Variants in SPATC1 observed in about 807,000 individuals in gnomAD.
SPATC1 encodes the protein spermatogenesis and centriole associated 1.
Under a neutral mutation model 36.5 loss-of-function variants are expected in SPATC1, and 35 were observed. That is an observed-to-expected ratio of 0.96 (90% confidence interval 0.73 to 1.27). The LOEUF is 1.27. Among genes scored for constraint, SPATC1 ranks in the 50% most tolerant of loss-of-function variants. SPATC1 has a pLI of 0.00. For synonymous variants in SPATC1, 361 were observed against 353.6 expected (o/e 1.02, Z -0.24); for missense variants, 779 against 796.0 (o/e 0.98, Z 0.26).
chr8:144,036,606 G>A (rs1326181496), intron 1 of SPATC1, among the ~76,000 whole-genome samples: 8 of 152,038 alleles, frequency 5.3e-5, no homozygotes, highest in African/African-American at 7.2e-5. Context: ...TTACAGGCAC[G>A]AACCACCACA....
rs1835057017 is a variant in SPATC1 at position 144,040,660 on chromosome 8, A to G, written c.859A>G (p.Ile287Val). Residue 287 changes from isoleucine (I) to valine (V), a missense_variant, in exon 3 of 5, where the codon ATC becomes GTC. Coordinates refer to ENST00000377470, the MANE Select transcript of SPATC1 (RefSeq NM_198572.3). ...AGCACCCCTCCAGACCTCCACCCCT[A>G]TCGGAGCCATGGGCACACCTGCTCC... ...AGAPLQTSTP[I>V]GAMGTPAPKT... 2 of 1,612,144 alleles carry G rather than the reference A, an allele frequency of 1.2e-6. No homozygotes were observed. The highest frequency in any genetic ancestry group is 2.2e-5 in the East Asian group (1 of 44,768).
intron 4 of SPATC1, among the ~76,000 whole-genome samples, chr8:144,044,544 G>A (rs1298948030): frequency 4.7e-5 from 7 of 150,294 alleles, no homozygotes; most frequent in East Asian, 2.0e-4. Flanking sequence ...TCCTGACCTC[G>A]TGATCCGCCC....
At position 144,040,580 on chromosome 8, in the gene SPATC1, C is replaced by G. The variant is rs782400666; in HGVS notation, c.779C>G (p.Thr260Ser). The G allele has an allele frequency of 1.3e-6, 2 of 1,594,190 alleles. No individual in the cohort carries two copies. The highest frequency in any genetic ancestry group is 2.7e-5 in the African/African-American group (2 of 74,476). Residue 260 changes from threonine (T) to serine (S), a missense_variant, in exon 3 of 5, where the codon ACT becomes AGT. Transcript: ENST00000377470. ...TCCACATCACTAGTCCCACTCTCCA[C>G]TGAGCCCCCCCAGTCGACCCAGGAC... is the stretch of plus-strand genomic sequence containing the variant. ...PTATTKVPLS[T>S]EPPQSTQDPE...
upstream of SPATC1, among the ~76,000 whole-genome samples, chr8:144,011,413 C>T (rs527820717): frequency 3.9e-5 from 6 of 152,210 alleles, no homozygotes; most frequent in South Asian, 4.2e-4. The surrounding 1 kb of genome is among the most constrained non-coding windows in gnomAD (Gnocchi z 4.5). Flanking sequence ...CAACTCACAG[C>T]GATCCCAGCC....
intron 1 of SPATC1, among the ~76,000 whole-genome samples, chr8:144,037,314 G>A (rs1198700890): frequency 1.3e-5 from 2 of 151,488 alleles, no homozygotes; most frequent in African/African-American, 2.4e-5. Context: ...CGTCTGGGAG[G>A]TGTACCCAAC....
intron 4 of SPATC1, among the ~76,000 whole-genome samples, chr8:144,042,303 ATATATATATTTTTT>A (rs1204629891): frequency 3.5e-5 from 2 of 57,166 alleles, no homozygotes; most frequent in African/African-American, 2.2e-4. Context: ...ATATATATAT[ATATATATATTTTTT>A]TTTTTTTTTT....
Position 144,045,167 on chromosome 8 carries a change from C to T in SPATC1, c.1447-1460C>T, listed in dbSNP as rs781936058. 2.0e-5 allele frequency among the ~76,000 whole-genome samples: 3 copies of T among 152,222 alleles called. No homozygotes were observed. Among genetic ancestry groups the T allele is most frequent in the Non-Finnish European group, 4.4e-5 (3 of 68,042 alleles). The stretch of plus-strand genomic sequence containing the variant: ...GTGATGCAGAAGCAGCCGTTGAGCA[C>T]GGCTGTCCACGGGCCCTCACTCTTG... On this transcript the variant is annotated intron_variant, in intron 4 of 4. Coordinates refer to ENST00000377470, the MANE Select transcript of SPATC1 (RefSeq NM_198572.3). The surrounding 1 kb of genome is among the most constrained non-coding windows in gnomAD (Gnocchi z 5.2).
In SPATC1 at chr8:144,041,913, G is replaced by A. The variant is rs537440691; in HGVS notation, c.1446+542G>A. ...CTGTGAGCTGCGTGGGTCCAGGTTGGAGCTTTGCCTCTGGTTAAAGCATCC... is the reference window on the plus strand; with the variant it reads ...CTGTGAGCTGCGTGGGTCCAGGTTGAAGCTTTGCCTCTGGTTAAAGCATCC... On this transcript the variant is annotated intron_variant, in intron 4 of 4. Coordinates refer to ENST00000377470, the MANE Select transcript of SPATC1 (RefSeq NM_198572.3). 3.0e-6 allele frequency: 3 copies of A among 983,908 alleles called. No homozygotes were observed. The Admixed American group carries it at 1.8e-4, about 60-fold the overall frequency. The allele number at this position is 983,908 out of a possible 1,614,324, so 60.9% of individuals were successfully genotyped here.
intron 4 of SPATC1, chr8:144,042,147 T>C (rs1337379642): frequency 2.6e-6 from 1 of 383,544 alleles, no homozygotes; most frequent in Non-Finnish European, 3.6e-6. Flanking sequence ...ACGATTCTGC[T>C]GCCCCAGCCT....
chr8:144,020,529 C>A (rs1194892825), intron 1 of SPATC1, among the ~76,000 whole-genome samples: 4 of 135,368 alleles, frequency 3.0e-5, no homozygotes, highest in African/African-American at 1.1e-4. Context: ...CCCTCAGAAC[C>A]CTCTTCCCTC....
intron 1 of SPATC1, among the ~76,000 whole-genome samples, chr8:144,013,762 C>A (rs1834326330): frequency 6.6e-6 from 1 of 152,152 alleles, no homozygotes; most frequent in Non-Finnish European, 1.5e-5. Flanking sequence ...TTGAGATCAA[C>A]ATGGCCAACA....
At chr8:144,038,527 G>T (rs1198644418) in intron 1 of SPATC1, among the ~76,000 whole-genome samples, 1 of 151,550 alleles carries the variant, frequency 6.6e-6, no homozygotes, top group Non-Finnish European at 1.5e-5. Context: ...GCAGTGGCAC[G>T]ATCACAGTGC....
intron 1 of SPATC1, among the ~76,000 whole-genome samples, chr8:144,036,620 G>A (rs1387071370): frequency 6.6e-5 from 10 of 152,018 alleles, no homozygotes; most frequent in Admixed American, 1.3e-4. Context: ...CACCACACCC[G>A]GCCCAGAACT....
intron 4 of SPATC1, among the ~76,000 whole-genome samples, chr8:144,042,779 T>C (rs1370043680): frequency 7.9e-5 from 12 of 152,112 alleles, no homozygotes; most frequent in African/African-American, 2.4e-5. Flanking sequence ...TCCTGCACTC[T>C]TGAGGACGTT....
intron 1 of SPATC1, among the ~76,000 whole-genome samples, chr8:144,037,144 T>TG (rs1193899444): frequency 5.9e-5 from 4 of 68,008 alleles, no homozygotes; most frequent in East Asian, 4.2e-4. Flanking sequence ...GGGAGGGAGG[T>TG]GGGGGGGTCA....
At chr8:144,017,372 C>T (rs982300297) in intron 1 of SPATC1, among the ~76,000 whole-genome samples, 10 of 152,140 alleles carry the variant, frequency 6.6e-5, no homozygotes, top group African/African-American at 2.4e-4. Flanking sequence ...TCTTTCTGGG[C>T]CTACCCTTCT....
intron 1 of SPATC1, among the ~76,000 whole-genome samples, chr8:144,035,970 C>T (rs1834890331): frequency 6.6e-6 from 1 of 152,180 alleles, no homozygotes; most frequent in Non-Finnish European, 1.5e-5. Flanking sequence ...CACCTCAGCA[C>T]ATGCAGCCCA....
At chr8:144,029,316 C>G (rs1834750497) in intron 1 of SPATC1, among the ~76,000 whole-genome samples, 1 of 151,322 alleles carries the variant, frequency 6.6e-6, no homozygotes, top group Admixed American at 6.6e-5. Flanking sequence ...CGCCTGTAAT[C>G]CCAGCACTTT....
In SPATC1 at chr8:144,040,367, C is replaced by G. The variant is rs1564278093; in HGVS notation, c.670C>G (p.Pro224Ala). 1.9e-6 allele frequency: 3 copies of G among 1,612,660 alleles called. No homozygotes were observed. Among genetic ancestry groups the G allele is most frequent in the Non-Finnish European group, 2.5e-6 (3 of 1,179,866 alleles). The change falls in exon 2 of 5, where the codon CCA (proline) becomes GCA (alanine). Residue 224 changes from proline (P) to alanine (A), a missense_variant. Physicochemically the swap from Pro to Ala is conservative, Grantham distance 27 (BLOSUM62 -1). Transcript: ENST00000377470. ...LANPMSNLVL[P>A]EAPRLRLAEP... The stretch of plus-strand genomic sequence containing the variant: ...CAACCCCATGAGCAACCTGGTCCTG[C>G]CAGAGGCCCCAAGGCTGCGGCTGGC...
Sources: gnomAD v4.1 joint callset for allele counts (sites outside exome capture counted in the v4.1 genomes callset) on GRCh38, gnomAD v4.1.1 for gene constraint, Gnocchi (gnomAD v3.1) non-coding constraint, MANE v1.5 for transcripts, NCBI Gene and HGNC (gene_info 2026-07-23, HGNC 2026-07-21) for gene names.